PKP4: variants seen among roughly 807,000 people sequenced by gnomAD.
The protein encoded by PKP4 is plakophilin 4, also known as plakophilin-4.
A neutral mutation model predicts 145.1 loss-of-function variants in PKP4; 90 were observed. The ratio of observed to expected loss-of-function variants is 0.62; its 90% CI spans 0.52 to 0.74. The LOEUF (loss-of-function observed/expected upper bound fraction) is 0.74, where lower values mean the gene tolerates loss of function less well. PKP4 is among the 30% of genes least tolerant of loss of function. The pLI is 0.00. For missense variants in PKP4, 1,340 were observed against 1,482.7 expected, an observed-to-expected ratio of 0.90 and a Z score of 1.58; for synonymous variants, 563 against 577.2, an observed-to-expected ratio of 0.98 and a Z score of 0.35.
At chr2:158,546,248 A>G (rs566621766) in intron 2 of PKP4, among the ~76,000 whole-genome samples, 14 of 152,226 alleles carry the variant, frequency 9.2e-5, no homozygotes, top group Non-Finnish European at 1.6e-4. Context: ...TCTTTTCCCA[A>G]TTTATTTTGT....
At chr2:158,587,017 A>C (rs2048859953) in intron 3 of PKP4, among the ~76,000 whole-genome samples, 1 of 152,158 alleles carries the variant, frequency 6.6e-6, no homozygotes, top group South Asian at 2.1e-4. Flanking sequence ...ATCTTTTTTG[A>C]ACCTAGAATG....
intron 3 of PKP4, among the ~76,000 whole-genome samples, chr2:158,589,215 C>G (rs1482739871): frequency 6.6e-6 from 1 of 152,144 alleles, no homozygotes; most frequent in East Asian, 1.9e-4. Flanking sequence ...ATGTTATCCT[C>G]TTACTCTTCA....
chr2:158,648,331 C>G (rs552220957), intron 11 of PKP4, among the ~76,000 whole-genome samples: 1 of 151,934 alleles, frequency 6.6e-6, no homozygotes, highest in Non-Finnish European at 1.5e-5. Context: ...ATTTTTAATT[C>G]GATGATAAAT....
At chr2:158,468,828 G>T (rs1183106975) in intron 1 of PKP4, among the ~76,000 whole-genome samples, 1 of 140,498 alleles carries the variant, frequency 7.1e-6, no homozygotes, top group East Asian at 2.2e-4. Context: ...CTGGAGTGCA[G>T]TGGCGGTACT....
chr2:158,584,146 G>A (rs537451502), intron 3 of PKP4, among the ~76,000 whole-genome samples: 2 of 152,278 alleles, frequency 1.3e-5, no homozygotes, highest in East Asian at 3.9e-4. Context: ...CTGAGGCTCC[G>A]GCTCCGAGGC....
At chr2:158,671,429 T>C (rs797017343) in intron 17 of PKP4, among the ~76,000 whole-genome samples, 17 of 152,298 alleles carry the variant, frequency 1.1e-4, no homozygotes, top group African/African-American at 4.1e-4. Flanking sequence ...ACTTATGCTC[T>C]TAAAATGTCG....
Position 158,523,128 on chromosome 2 carries a change from C to T in PKP4, c.-5-10052C>T, listed in dbSNP as rs571293355. On this transcript the variant is annotated intron_variant, in intron 1 of 21. Coordinates refer to ENST00000389759, the MANE Select transcript of PKP4 (RefSeq NM_003628.6). ...AAAGCTACAACTGGGTGGAGCCCAC[C>T]ACAGCTCAAGGAGGCCTGCCTGCCT... Among the ~76,000 whole-genome samples the T allele has an allele frequency of 4.2e-3, 640 of 152,286 alleles. 6 individuals carry two copies. The highest frequency in any genetic ancestry group is 0.014 in the African/African-American group (566 of 41,568).
intron 1 of PKP4, among the ~76,000 whole-genome samples, chr2:158,475,726 G>A (rs571167368): frequency 6.6e-6 from 1 of 152,228 alleles, no homozygotes; most frequent in East Asian, 1.9e-4. Flanking sequence ...AGTGCCCAGT[G>A]GAAGTAAGAC....
At chr2:158,515,484 T>G (rs1489078960) in intron 1 of PKP4, among the ~76,000 whole-genome samples, 1 of 152,136 alleles carries the variant, frequency 6.6e-6, no homozygotes, top group Non-Finnish European at 1.5e-5. Context: ...AAATAATTGG[T>G]ACTCAGCCTT....
chr2:158,632,021 G>T, intron 8 of PKP4, 80 bp downstream of exon 8: 1 of 1,305,470 alleles, frequency 7.7e-7, no homozygotes, highest in Non-Finnish European at 1.1e-6. Context: ...TGGGTTCCCT[G>T]TTAGAAGGAA....
At chr2:158,588,539 A>G (rs980294315) in intron 3 of PKP4, among the ~76,000 whole-genome samples, 2 of 151,934 alleles carry the variant, frequency 1.3e-5, no homozygotes, top group African/African-American at 2.4e-5. Flanking sequence ...TTTTGGTTCT[A>G]TCATTAGTTT....
intron 3 of PKP4, among the ~76,000 whole-genome samples, chr2:158,600,705 C>T (rs1295990211): frequency 2.0e-5 from 3 of 152,104 alleles, no homozygotes; most frequent in Non-Finnish European, 4.4e-5. Flanking sequence ...CATGTAATGA[C>T]CAGTTATTTC....
rs1688848604 is a variant in PKP4, at chr2:158,457,059, G to A, written c.-165G>A. On this transcript the variant is annotated 5_prime_UTR_variant, in exon 1 of 22. Transcript: ENST00000389759. ...GGCCACCGCCGCCGCCGGGGGTGGT[G>A]GGAGAGCCGCTCCGGGGGCGGGGGC... 1 of 149,788 alleles carries A rather than the reference G, an allele frequency of 6.7e-6. No homozygotes were observed. Among genetic ancestry groups the A allele is most frequent in the Non-Finnish European group, 1.5e-5 (1 of 66,968 alleles). The allele number at this position is 149,788 out of a possible 1,614,324, so 9.3% of individuals were successfully genotyped here. A position where few individuals can be genotyped will look rare whatever the true frequency, so the allele number is the denominator to read the frequency against.
intron 1 of PKP4, among the ~76,000 whole-genome samples, chr2:158,502,250 C>T (rs528889556): frequency 2.6e-4 from 39 of 152,082 alleles, no homozygotes; most frequent in African/African-American, 8.7e-4. Flanking sequence ...ATGATGGTTC[C>T]TGGAAATAAA....
intron 1 of PKP4, among the ~76,000 whole-genome samples, chr2:158,523,340 C>A (rs1274916343): frequency 1.4e-5 from 1 of 72,302 alleles, no homozygotes; most frequent in Non-Finnish European, 2.7e-5. Flanking sequence ...CCCGAGCAGC[C>A]TAACCGGGAG....
Position 158,523,316 on chromosome 2 carries a change from C to G in PKP4, c.-5-9864C>G, listed in dbSNP as rs543807364. ...GGCAGACTACCTCCTCAAGTGGGTC[C>G]CTGACCCCTGACCCCCGAGCAGCCT... On this transcript the variant is annotated intron_variant, in intron 1 of 21. Coordinates refer to ENST00000389759, the MANE Select transcript of PKP4 (RefSeq NM_003628.6). 1.7e-3 allele frequency among the ~76,000 whole-genome samples: 205 copies of G among 119,020 alleles called. 2 individuals are homozygous for G. Among genetic ancestry groups the G allele is most frequent in the African/African-American group, 6.3e-3 (188 of 29,814 alleles). 78.1% of individuals were successfully genotyped at this position (119,020 alleles called of 152,430 possible). A position where few individuals can be genotyped will look rare whatever the true frequency, so the allele number is the denominator to read the frequency against.
At position 158,604,354 on chromosome 2, in the gene PKP4, C is replaced by T. The variant is rs140366921; in HGVS notation, c.280+1250C>T. On this transcript the variant is annotated intron_variant, in intron 4 of 21. Transcript: ENST00000389759. ...CTGAATTGGCTGAAATTACAGAGAT[C>T]TGTAAGTTCCAGGGACTTTATACTC... Among the ~76,000 whole-genome samples, 1,201 of 152,274 alleles carry T rather than the reference C, an allele frequency of 7.9e-3. 8 individuals are homozygous for T. The highest frequency in any genetic ancestry group is 0.013 in the South Asian group (65 of 4,818).
At chr2:158,594,995 A>G (rs769955732) in intron 3 of PKP4, among the ~76,000 whole-genome samples, 1 of 152,184 alleles carries the variant, frequency 6.6e-6, no homozygotes, top group Non-Finnish European at 1.5e-5. Flanking sequence ...AGCTTAGTGC[A>G]ATGATGAAGA....
At chr2:158,648,040 G>A (rs930267396) in intron 11 of PKP4, among the ~76,000 whole-genome samples, 1 of 152,162 alleles carries the variant, frequency 6.6e-6, no homozygotes. Context: ...GCACAAATCT[G>A]GAGGCCTGCT....
Sources: allele counts gnomAD v4.1 joint callset (sites outside exome capture counted in the v4.1 genomes callset), GRCh38; gene constraint gnomAD v4.1.1; transcripts MANE v1.5; gene names NCBI Gene and HGNC (gene_info 2026-07-23, HGNC 2026-07-21).